ZMAT3: variants seen among roughly 807,000 people sequenced by gnomAD.
ZMAT3 encodes the protein zinc finger matrin-type protein 3.
In ZMAT3, 17 loss-of-function variants were observed where a neutral mutation model predicts 32.3. The ratio of observed to expected loss-of-function variants is 0.53; its 90% CI spans 0.36 to 0.79. The LOEUF (loss-of-function observed/expected upper bound fraction) is 0.79, where lower values mean the gene tolerates loss of function less well. Ranked by LOEUF, ZMAT3 falls within the 30% of genes least tolerant of loss-of-function variation. The pLI is 0.00. For synonymous variants in ZMAT3, 120 were observed against 133.1 expected (o/e 0.90, Z 0.68); for missense variants, 329 against 359.7 (o/e 0.91, Z 0.69).
At chr3:179,032,984 G>A (rs1043386734) in intron 2 of ZMAT3, among the ~76,000 whole-genome samples, 2 of 152,262 alleles carry the variant, frequency 1.3e-5, no homozygotes, top group Non-Finnish European at 2.9e-5. Context: ...CATCTGGGAG[G>A]TGTACCCAAC....
chr3:179,030,771 T>C, intron 3 of ZMAT3, 109 bp downstream of exon 3: 1 of 1,456,912 alleles, frequency 6.9e-7, no homozygotes, highest in Non-Finnish European at 9.1e-7. Flanking sequence ...AGGATTATTT[T>C]CCCAACTGTA....
chr3:179,028,678 T>C (rs1331421708), intron 3 of ZMAT3, among the ~76,000 whole-genome samples: 1 of 152,248 alleles, frequency 6.6e-6, no homozygotes, highest in Non-Finnish European at 1.5e-5. Flanking sequence ...AGGAAAACTA[T>C]GCAGCTTGAA....
intron 2 of ZMAT3, among the ~76,000 whole-genome samples, chr3:179,032,255 C>T (rs1719288891): frequency 6.6e-6 from 1 of 151,806 alleles, no homozygotes; most frequent in South Asian, 2.1e-4. Context: ...CTGCCAGCCT[C>T]GGCCTCCCGA....
intron 2 of ZMAT3, 133 bp downstream of exon 2, chr3:179,067,350 A>G: frequency 1.0e-6 from 1 of 974,700 alleles, no homozygotes; most frequent in Non-Finnish European, 1.5e-6. Flanking sequence ...TAATCAAACA[A>G]ATTCATAGTT....
intron 2 of ZMAT3, among the ~76,000 whole-genome samples, chr3:179,042,731 A>G (rs1720020504): frequency 6.6e-6 from 1 of 152,236 alleles, no homozygotes; most frequent in East Asian, 1.9e-4. Context: ...CAGGGCAATC[A>G]GGCAAGAGAA....
chr3:179,027,837 A>G, intron 3 of ZMAT3, 25 bp from the exon 4 acceptor site: 1 of 1,577,600 alleles, frequency 6.3e-7, no homozygotes, highest in Non-Finnish European at 8.6e-7. Flanking sequence ...ACAAGAAGAA[A>G]CAAAGTTAAA....
At chr3:179,054,530 T>C (rs1184780921) in intron 2 of ZMAT3, among the ~76,000 whole-genome samples, 3 of 152,246 alleles carry the variant, frequency 2.0e-5, no homozygotes, top group Admixed American at 2.0e-4. Flanking sequence ...ACTGTAATTA[T>C]GTAAAATGTT....
At chr3:179,032,761 C>T (rs1719340420) in intron 2 of ZMAT3, among the ~76,000 whole-genome samples, 1 of 151,822 alleles carries the variant, frequency 6.6e-6, no homozygotes, top group South Asian at 2.1e-4. Flanking sequence ...AGCCCCTCTG[C>T]CCCGCAGCCG....
chr3:179,032,169 GT>G (rs1216272857), intron 2 of ZMAT3, among the ~76,000 whole-genome samples: 1 of 151,392 alleles, frequency 6.6e-6, no homozygotes, highest in Admixed American at 6.6e-5. Context: ...CGCCTGACTG[GT>G]TTTCGTATTT....
rs530165565 is a variant in ZMAT3 at position 179,044,238 on chromosome 3, T to G, written c.271-13239A>C. Among the ~76,000 whole-genome samples, 42 of 152,324 alleles carry G rather than the reference T, an allele frequency of 2.8e-4. No individual in the cohort carries two copies. The East Asian group carries it at 7.3e-3, about 27-fold the overall frequency. On this transcript the variant is annotated intron_variant, in intron 2 of 5. Coordinates refer to ENST00000311417, the MANE Select transcript of ZMAT3 (RefSeq NM_022470.4). ...CATTACTAGGTATATACCCAAAGGA[T>G]TATAAATCATACTACTATAAAGACA...
chr3:179,028,635 T>A (rs1353839360), intron 3 of ZMAT3, among the ~76,000 whole-genome samples: 1 of 152,212 alleles, frequency 6.6e-6, no homozygotes, highest in African/African-American at 2.4e-5. Flanking sequence ...GGGTAGCTAT[T>A]CAATTCTAGA....
intron 3 of ZMAT3, among the ~76,000 whole-genome samples, chr3:179,028,190 A>T (rs1576837056): frequency 2.6e-5 from 4 of 152,268 alleles, no homozygotes; most frequent in Admixed American, 2.6e-4. Context: ...GTGACTGTTA[A>T]CTCTTTATCA....
rs1294439166 is a variant in ZMAT3, at chr3:179,021,107, T to C, written c.*3910A>G. ...TAATTAAAAGGTCAGTGAAGAAGAG[T>C]TGGAGGAGGAACTTTTTCCAAATAA... is the stretch of plus-strand genomic sequence containing the variant. On this transcript the variant is annotated 3_prime_UTR_variant, in exon 6 of 6. Transcript: ENST00000311417. 2 of 152,120 alleles carry C rather than the reference T, an allele frequency of 1.3e-5. No individual in the cohort carries two copies. Among genetic ancestry groups the C allele is most frequent in the East Asian group, 1.9e-4 (1 of 5,198 alleles). 9.4% of individuals were successfully genotyped at this position (152,120 alleles called of 1,614,324 possible). A position where few individuals can be genotyped will look rare whatever the true frequency, so the allele number is the denominator to read the frequency against.
At chr3:179,027,033 G>A (rs1718909347) in intron 5 of ZMAT3, among the ~76,000 whole-genome samples, 1 of 152,122 alleles carries the variant, frequency 6.6e-6, no homozygotes, top group South Asian at 2.1e-4. Flanking sequence ...AAAGCTCCTT[G>A]GGTAATTCTG....
rs1445385463 is a variant in ZMAT3, at chr3:179,046,626, C to T, written c.271-15627G>A. ...GGGGCAAGTTCTCAGCCCTGACCACCAGCTGCCTGGAAATGAACTCAGTGC... is the reference window on the plus strand; with the variant it reads ...GGGGCAAGTTCTCAGCCCTGACCACTAGCTGCCTGGAAATGAACTCAGTGC... On this transcript the variant is annotated intron_variant, in intron 2 of 5. Coordinates refer to ENST00000311417, the MANE Select transcript of ZMAT3 (RefSeq NM_022470.4). The surrounding 1 kb of genome is among the most constrained non-coding windows in gnomAD (Gnocchi z 4.3). Among the ~76,000 whole-genome samples, 1 of 152,136 alleles carries T rather than the reference C, an allele frequency of 6.6e-6. No homozygotes were observed. Among genetic ancestry groups the T allele is most frequent in the Non-Finnish European group, 1.5e-5 (1 of 68,018 alleles).
chr3:179,056,615 C>T (rs186270349), intron 2 of ZMAT3, among the ~76,000 whole-genome samples: 42 of 152,284 alleles, frequency 2.8e-4, no homozygotes, highest in Middle Eastern at 6.8e-3. Context: ...GTGCCCGGGG[C>T]GAGCGCCAGC....
At chr3:179,062,342 G>T (rs1337243647) in intron 2 of ZMAT3, among the ~76,000 whole-genome samples, 2 of 152,124 alleles carry the variant, frequency 1.3e-5, no homozygotes, top group East Asian at 1.9e-4. Flanking sequence ...TAATAGAAGG[G>T]ATTAAAAGTA....
chr3:179,041,974 A>G (rs955260469), intron 2 of ZMAT3, among the ~76,000 whole-genome samples: 1 of 152,242 alleles, frequency 6.6e-6, no homozygotes, highest in East Asian at 1.9e-4. Flanking sequence ...CAAACGAACT[A>G]GAAAATCTAG....
intron 2 of ZMAT3, among the ~76,000 whole-genome samples, chr3:179,054,346 G>T (rs1318750152): frequency 6.6e-6 from 1 of 152,194 alleles, no homozygotes; most frequent in East Asian, 1.9e-4. Context: ...AAATGTTTTC[G>T]ATATCATACA....
Sources: gnomAD v4.1 joint callset for allele counts (sites outside exome capture counted in the v4.1 genomes callset) on GRCh38, gnomAD v4.1.1 for gene constraint, Gnocchi (gnomAD v3.1) non-coding constraint, MANE v1.5 for transcripts, NCBI Gene and HGNC (gene_info 2026-07-23, HGNC 2026-07-21) for gene names.